The following PGGT1B variants were observed in gnomAD, a reference collection of about 807,000 sequenced individuals.
PGGT1B encodes the protein protein geranylgeranyltransferase type I subunit beta.
Under a neutral mutation model 46.1 loss-of-function variants are expected in PGGT1B, and 30 were observed. That is an observed-to-expected ratio of 0.65 (90% confidence interval 0.49 to 0.88). PGGT1B has a LOEUF of 0.88. Ranked by LOEUF, PGGT1B falls within the 40% of genes least tolerant of loss-of-function variation. The pLI, the probability that PGGT1B is intolerant of heterozygous loss-of-function variation, is 0.00. For synonymous variants in PGGT1B, 170 were observed against 160.0 expected (o/e 1.06, Z -0.47); for missense variants, 376 against 455.9 (o/e 0.82, Z 1.60).
intron 1 of PGGT1B, among the ~76,000 whole-genome samples, chr5:115,255,832 A>G (rs2127032768): frequency 1.3e-5 from 2 of 152,330 alleles, no homozygotes; most frequent in African/African-American, 4.8e-5. Context: ...TCAACACTAG[A>G]CAATCAAAAC....
Position 115,237,947 on chromosome 5 carries a change from T to C in PGGT1B, c.390A>G (p.Ser130=). Residue 130 remains serine, a synonymous_variant, in exon 4 of 9, where the codon TCA becomes TCG. Transcript: ENST00000419445. The part of the protein sequence containing the change: ...GHIAMTYTGL[S]CLVILGDDLS... ...AGTCGTCTCCAAGAATAACTAAGCA[T>C]GAGAGGCCAGTGTAGGTCATTGCAA... 1 of 1,612,778 alleles carries C rather than the reference T, an allele frequency of 6.2e-7. No individual in the cohort carries two copies. The highest frequency in any genetic ancestry group is 1.3e-5 in the African/African-American group (1 of 74,998).
chr5:115,227,062 T>C (rs557943331), intron 6 of PGGT1B, among the ~76,000 whole-genome samples: 188 of 152,146 alleles, frequency 1.2e-3, no homozygotes, highest in Non-Finnish European at 1.7e-3. Flanking sequence ...CTAGAGTGCA[T>C]GGAAGGGGTC....
At chr5:115,218,586 A>C (rs968313643) in intron 7 of PGGT1B, among the ~76,000 whole-genome samples, 1 of 150,186 alleles carries the variant, frequency 6.7e-6, no homozygotes, top group Non-Finnish European at 1.5e-5. Flanking sequence ...GTTGAACACT[A>C]TTAAGGGAAA....
intron 2 of PGGT1B, among the ~76,000 whole-genome samples, chr5:115,249,583 CGGAATGAGTCAGGGAGGAGCAGGTAATT>C (rs1167048080): frequency 2.1e-4 from 32 of 150,776 alleles, no homozygotes; most frequent in African/African-American, 6.8e-4. Context: ...AGCAGGTAAT[CGGAATGAGTCAGGGAGGAGCAGGTAATT>C]GGAATGAGTC....
rs992110678 is a variant in PGGT1B, at chr5:115,209,594, G to A, written c.*2808C>T. Reference sequence around the variant, plus strand: ...TCATAGAGATACCTTGTCATCTAGCGTTGTAATAGTGTCTGTGGCTATCCT... The same window carrying A: ...TCATAGAGATACCTTGTCATCTAGCATTGTAATAGTGTCTGTGGCTATCCT... On this transcript the variant is annotated 3_prime_UTR_variant, in exon 9 of 9. Transcript: ENST00000419445. The A allele has an allele frequency of 8.5e-5, 13 of 152,090 alleles. No individual in the cohort carries two copies. Among genetic ancestry groups the A allele is most frequent in the African/African-American group, 2.2e-4 (9 of 41,414 alleles). The allele number at this position is 152,090 out of a possible 1,614,324, so 9.4% of individuals were successfully genotyped here.
At chr5:115,262,260 G>C (rs75506393) in intron 1 of PGGT1B, among the ~76,000 whole-genome samples, 1,561 of 152,264 alleles carry the variant, frequency 0.01, 31 homozygotes, top group African/African-American at 0.036. Context: ...AAGTTTCTAA[G>C]ACCTTAGAGG....
chr5:115,261,881 A>T (rs1003241678), intron 1 of PGGT1B, among the ~76,000 whole-genome samples: 16 of 152,278 alleles, frequency 1.1e-4, no homozygotes, highest in African/African-American at 3.6e-4. Context: ...TCTGGCACCT[A>T]CCATAATGTG....
At chr5:115,247,450 C>G (rs1747898559) in intron 2 of PGGT1B, among the ~76,000 whole-genome samples, 1 of 152,138 alleles carries the variant, frequency 6.6e-6, no homozygotes, top group Non-Finnish European at 1.5e-5. Flanking sequence ...AACTTCTTAA[C>G]TTTCTAATCC....
At chr5:115,235,603 T>C (rs1757156960) in intron 5 of PGGT1B, among the ~76,000 whole-genome samples, 1 of 152,092 alleles carries the variant, frequency 6.6e-6, no homozygotes, top group African/African-American at 2.4e-5. Flanking sequence ...TCTGTACTAT[T>C]CATACCAAAA....
intron 2 of PGGT1B, among the ~76,000 whole-genome samples, chr5:115,250,327 C>T (rs1050068223): frequency 6.6e-6 from 1 of 151,936 alleles, no homozygotes; most frequent in African/African-American, 2.4e-5. Flanking sequence ...AGGTCCTAGG[C>T]TAAATGTGAA....
At chr5:115,262,588 A>C in intron 1 of PGGT1B, 124 bp downstream of exon 1, 2 of 1,085,352 alleles carry the variant, frequency 1.8e-6, no homozygotes, top group Non-Finnish European at 2.7e-6. Flanking sequence ...ACTTGAAACC[A>C]GTCAGTGCCA....
rs1005606248 is a variant in PGGT1B, at chr5:115,218,980, T to C, written c.844-2007A>G. Reference sequence around the variant, plus strand: ...CACCTATATAAATGGAAAAGCATCCTGTGCTCATGGATAGGAACACTCAAC... The same window carrying C: ...CACCTATATAAATGGAAAAGCATCCCGTGCTCATGGATAGGAACACTCAAC... On this transcript the variant is annotated intron_variant, in intron 7 of 8. Coordinates refer to ENST00000419445, the MANE Select transcript of PGGT1B (RefSeq NM_005023.4). Among the ~76,000 whole-genome samples, 9 of 151,994 alleles carry C rather than the reference T, an allele frequency of 5.9e-5. No homozygotes were observed. In the East Asian group the frequency reaches 1.5e-3, roughly 26 times the overall value.
chr5:115,230,692 G>A (rs1354576085), intron 6 of PGGT1B, among the ~76,000 whole-genome samples: 1 of 152,058 alleles, frequency 6.6e-6, no homozygotes, highest in African/African-American at 2.4e-5. Context: ...TAATGATAGT[G>A]TAAGAAACAA....
chr5:115,253,787 T>A (rs1169964833), intron 1 of PGGT1B, among the ~76,000 whole-genome samples: 1 of 151,982 alleles, frequency 6.6e-6, no homozygotes, highest in African/African-American at 2.4e-5. Flanking sequence ...ACAAATGTAC[T>A]TACACTCTAT....
rs555057735 is a variant in PGGT1B at position 115,207,539 on chromosome 5, G to T, written c.*4863C>A. 1 of 152,110 alleles carries T rather than the reference G, an allele frequency of 6.6e-6. No individual in the cohort carries two copies. Among genetic ancestry groups the T allele is most frequent in the Admixed American group, 6.6e-5 (1 of 15,260 alleles). 9.4% of individuals were successfully genotyped at this position (152,110 alleles called of 1,614,324 possible). A position where few individuals can be genotyped will look rare whatever the true frequency, so the allele number is the denominator to read the frequency against. On this transcript the variant is annotated 3_prime_UTR_variant, in exon 9 of 9. Transcript: ENST00000419445. ...TGACTGAAAGAGGGTGCTGATTTCTGACACCATACATAGATGCTGTCTGTT... is the reference window on the plus strand; with the variant it reads ...TGACTGAAAGAGGGTGCTGATTTCTTACACCATACATAGATGCTGTCTGTT...
rs1362105891 is a variant in PGGT1B at position 115,217,032 on chromosome 5, C to T, written c.844-59G>A. On this transcript the variant is annotated intron_variant, in intron 7 of 8. Transcript: ENST00000419445. ...ATAAAACTCATATCAACCTTTGGCT[C>T]AAATTTCAGATACGTGTCATTTAGA... 1.7e-5 allele frequency: 13 copies of T among 775,452 alleles called. No individual in the cohort carries two copies. In the East Asian group the frequency reaches 3.1e-4, roughly 18 times the overall value. The allele number at this position is 775,452 out of a possible 1,614,324, so 48.0% of individuals were successfully genotyped here.
intron 6 of PGGT1B, among the ~76,000 whole-genome samples, chr5:115,228,166 G>A (rs1050031619): frequency 2.0e-5 from 3 of 152,126 alleles, no homozygotes; most frequent in East Asian, 1.9e-4. Flanking sequence ...AAGATGCCTC[G>A]CAAGCAAATG....
intron 6 of PGGT1B, among the ~76,000 whole-genome samples, chr5:115,223,393 C>G (rs985746906): frequency 2.0e-5 from 3 of 152,046 alleles, no homozygotes; most frequent in Non-Finnish European, 4.4e-5. Context: ...CCTAATTGTA[C>G]TCACAAGTGC....
rs1455651127 is a variant in PGGT1B at position 115,207,176 on chromosome 5, C to CATATATATATATATATAT, written c.*5225_*5226insATATATATATATATATAT. 1.0e-4 allele frequency: 3 copies of CATATATATATATATATAT among 30,106 alleles called. No individual in the cohort carries two copies. The highest frequency in any genetic ancestry group is 2.5e-4 in the Admixed American group (1 of 3,988). The allele number at this position is 30,106 out of a possible 1,614,324, so 1.9% of individuals were successfully genotyped here. On this transcript the variant is annotated 3_prime_UTR_variant, in exon 9 of 9. Coordinates refer to ENST00000419445, the MANE Select transcript of PGGT1B (RefSeq NM_005023.4). Reference sequence around the variant, plus strand: ...TCTAACTAGTTTAGGTTTGCATATACATACATATATATATATATATATATA... The same window carrying CATATATATATATATATAT: ...TCTAACTAGTTTAGGTTTGCATATACATATATATATATATATATATACATATATATATATATATATATA...
Sources: allele counts gnomAD v4.1 joint callset (sites outside exome capture counted in the v4.1 genomes callset), GRCh38; gene constraint gnomAD v4.1.1; transcripts MANE v1.5; gene names NCBI Gene and HGNC (gene_info 2026-07-23, HGNC 2026-07-21).